PIEZO1: variants seen among roughly 807,000 people sequenced by gnomAD.
The protein encoded by PIEZO1 is piezo type mechanosensitive ion channel component 1 (Er blood group), also known as piezo-type mechanosensitive ion channel component 1.
In PIEZO1, 296 loss-of-function variants were observed where a neutral mutation model predicts 297.2. That is an observed-to-expected ratio of 1.00 (90% confidence interval 0.91 to 1.10). The LOEUF (loss-of-function observed/expected upper bound fraction) is 1.10. Ranked by LOEUF, PIEZO1 falls within the 50% of genes least tolerant of loss-of-function variation. PIEZO1 has a pLI of 0.00. For missense variants in PIEZO1, 5,018 were observed against 3,455.5 expected, an observed-to-expected ratio of 1.45 and a Z score of -11.34; for synonymous variants, 2,427 against 1,507.5, an observed-to-expected ratio of 1.61 and a Z score of -14.13.
At chr16:88,774,746 G>A (rs535020507) in intron 1 of PIEZO1, among the ~76,000 whole-genome samples, 1 of 152,282 alleles carries the variant, frequency 6.6e-6, no homozygotes, top group East Asian at 1.9e-4. Flanking sequence ...CACTCTTAGG[G>A]TACATGGGGT....
At position 88,749,491 on chromosome 16, in the gene PIEZO1, T is replaced by G. The variant is rs745548042; in HGVS notation, c.65-12A>C. ...GCGGAGCAGGCAGGCTGCGGGGAGA[T>G]GGGCGTTAACTAGGTCGCCAACAGA... On this transcript the variant is annotated splice_polypyrimidine_tract_variant and intron_variant, in intron 1 of 50. Transcript: ENST00000301015. 6.6e-7 allele frequency: 1 copy of G among 1,523,106 alleles called. No homozygotes were observed. The highest frequency in any genetic ancestry group is 1.2e-5 in the South Asian group (1 of 82,114). 94.3% of individuals were successfully genotyped at this position (1,523,106 alleles called of 1,614,324 possible). A position where few individuals can be genotyped will look rare whatever the true frequency, so the allele number is the denominator to read the frequency against.
At chr16:88,747,728 G>A (rs185970183) in intron 2 of PIEZO1, among the ~76,000 whole-genome samples, 6 of 152,348 alleles carry the variant, frequency 3.9e-5, no homozygotes, top group African/African-American at 9.6e-5. Flanking sequence ...GGCAGCAGAG[G>A]AAATGGGGGC....
intron 31 of PIEZO1, among the ~76,000 whole-genome samples, chr16:88,723,558 A>G (rs968099355): frequency 1.3e-5 from 2 of 152,214 alleles, no homozygotes; most frequent in African/African-American, 4.8e-5. Context: ...CAGGGGCCCA[A>G]AGATGGACCC....
chr16:88,722,095 G>C (rs747295957), intron 36 of PIEZO1, 29 bp from the exon 37 acceptor site: 93 of 1,536,136 alleles, frequency 6.1e-5, no homozygotes, highest in East Asian at 1.5e-4. Flanking sequence ...GTTTGGGGGA[G>C]TCTGGGACTG....
intron 23 of PIEZO1, 70 bp from the exon 24 acceptor site, chr16:88,727,262 C>A (rs1358879205): frequency 1.4e-6 from 2 of 1,438,240 alleles, no homozygotes; most frequent in Non-Finnish European, 1.8e-6. Flanking sequence ...GCATAAATCC[C>A]ACCTCCCACC....
chr16:88,749,055 G>A (rs1031081796), intron 2 of PIEZO1, among the ~76,000 whole-genome samples: 21 of 151,454 alleles, frequency 1.4e-4, no homozygotes, highest in African/African-American at 2.4e-4. Context: ...GGCTATCACG[G>A]TGAAACCCCG....
chr16:88,726,130 C>A, intron 27 of PIEZO1, 154 bp downstream of exon 27: 1 of 640,208 alleles, frequency 1.6e-6, no homozygotes, highest in African/African-American at 1.8e-5. Flanking sequence ...CGGGGATCTG[C>A]CGGCCTTCAT....
chr16:88,715,912 C>T (rs1466806259), intron 50 of PIEZO1, 21 bp downstream of exon 50: 4 of 756,616 alleles, frequency 5.3e-6, no homozygotes, highest in Non-Finnish European at 7.7e-6. Context: ...CTGCGGGGTG[C>T]CCCCCCAGCC....
intron 21 of PIEZO1, 49 bp from the exon 22 acceptor site, chr16:88,731,959 A>ATGCACTGAGTCTGGGGAGGGTGGGGTGTG (rs1482630762): frequency 1.6e-5 from 1 of 63,334 alleles, no homozygotes; most frequent in African/African-American, 1.8e-4. Context: ...GTCTGGGGGG[A>ATGCACTGAGTCTGGGGAGGGTGGGGTGTG]GGGACTTTCT....
rs1027054301 is a variant in PIEZO1 at position 88,727,059 on chromosome 16, C to G, written c.3435G>C (p.Val1145=). The part of the protein sequence containing the change: ...LEPLRGEPNP[V]PNFIHCRSYL... The stretch of plus-strand genomic sequence containing the variant: ...CCCACCTGCAGTGGATAAAGTTGGG[C>G]ACGGGGTTGGGCTCCCCCCGCAGCG... Residue 1145 remains valine, a synonymous_variant, in exon 24 of 51, where the codon GTG becomes GTC. Transcript: ENST00000301015. 5.8e-6 allele frequency: 9 copies of G among 1,548,938 alleles called. No homozygotes were observed. In the African/African-American group the frequency reaches 1.2e-4, roughly 21 times the overall value.
At chr16:88,765,791 A>G (rs962183056) in intron 1 of PIEZO1, among the ~76,000 whole-genome samples, 4 of 150,646 alleles carry the variant, frequency 2.7e-5, no homozygotes, top group Non-Finnish European at 5.9e-5. Flanking sequence ...CTCCTGCCTC[A>G]GCCTCCCGAG....
intron 4 of PIEZO1, 23 bp from the exon 5 acceptor site, chr16:88,741,639 G>A (rs764250741): frequency 1.5e-5 from 23 of 1,530,732 alleles, no homozygotes; most frequent in Admixed American, 8.0e-5. Context: ...GGGAGCAGCC[G>A]CGGTCAGACC....
Position 88,737,804 on chromosome 16 carries a change from G to C in PIEZO1, c.1031C>G (p.Ala344Gly). Reference sequence around the variant, plus strand: ...CTCCCGAGCCTCATACCCCTTTGCCGCCTCCTTCCTCTGCAGAGACCAGCG... The same window carrying C: ...CTCCCGAGCCTCATACCCCTTTGCCCCCTCCTTCCTCTGCAGAGACCAGCG... Reference protein sequence around the residue: ...AYRPSGQRKEAAKGYEARELE... With the variant: ...AYRPSGQRKEGAKGYEARELE... Residue 344 changes from alanine (A) to glycine (G), a missense_variant, in exon 9 of 51, where the codon GCG becomes GGG. Physicochemically the swap from Ala to Gly is moderately conservative, Grantham distance 60 (BLOSUM62 0). Coordinates refer to ENST00000301015, the MANE Select transcript of PIEZO1 (RefSeq NM_001142864.4). 1 of 1,535,740 alleles carries C rather than the reference G, an allele frequency of 6.5e-7. No individual in the cohort carries two copies. Among genetic ancestry groups the C allele is most frequent in the East Asian group, 2.4e-5 (1 of 40,910 alleles).
intron 1 of PIEZO1, among the ~76,000 whole-genome samples, chr16:88,758,420 G>A (rs762484654): frequency 1.3e-5 from 2 of 152,186 alleles, no homozygotes; most frequent in Admixed American, 6.5e-5. Flanking sequence ...CCCACCCATC[G>A]TCACTCAGCC....
rs1468945776 is a variant in PIEZO1, at chr16:88,720,403, A to G, written c.5931T>C (p.Phe1977=). The G allele has an allele frequency of 6.5e-7, 1 of 1,550,296 alleles. No individual in the cohort carries two copies. Among genetic ancestry groups the G allele is most frequent in the Admixed American group, 2.0e-5 (1 of 50,996 alleles). The change falls in exon 41 of 51, where the codon TTT becomes TTC. Residue 1977 remains phenylalanine, a synonymous_variant. Coordinates refer to ENST00000301015, the MANE Select transcript of PIEZO1 (RefSeq NM_001142864.4). ...ADVVDFIIII[F]GFWAFGKHSA... ...GGCTCACCCCAAAGGCCCAGAAGCC[A>G]AAAATGATGATGATGAAGTCGACAA...
intron 4 of PIEZO1, 26 bp from the exon 5 acceptor site, chr16:88,741,642 G>A: frequency 6.5e-7 from 1 of 1,530,396 alleles, no homozygotes; most frequent in Non-Finnish European, 8.7e-7. Context: ...AGCAGCCGCG[G>A]TCAGACCAAG....
Position 88,732,553 on chromosome 16 carries a change from C to A in PIEZO1, c.2791-18G>T. On this transcript the variant is annotated intron_variant, in intron 20 of 50. Transcript: ENST00000301015. Reference sequence around the variant, plus strand: ...AGGTGGTTCTGCGGAGGGCAAGGGTCAGGGGGCAGCCGGGTACTCGCCCGC... The same window carrying A: ...AGGTGGTTCTGCGGAGGGCAAGGGTAAGGGGGCAGCCGGGTACTCGCCCGC... 6.5e-7 allele frequency: 1 copy of A among 1,544,092 alleles called. No homozygotes were observed. The highest frequency in any genetic ancestry group is 1.2e-5 in the South Asian group (1 of 83,876).
chr16:88,761,742 C>A (rs1555561503), intron 1 of PIEZO1, among the ~76,000 whole-genome samples: 4 of 152,016 alleles, frequency 2.6e-5, no homozygotes, highest in Non-Finnish European at 5.9e-5. Flanking sequence ...CTGACCCTCC[C>A]CACTGCCCTC....
intron 21 of PIEZO1, 36 bp from the exon 22 acceptor site, chr16:88,731,946 T>A: frequency 1.1e-6 from 1 of 934,678 alleles, no homozygotes; most frequent in Non-Finnish European, 1.6e-6. Flanking sequence ...GGGGATGCAC[T>A]GAGTCTGGGG....
Sources: allele counts gnomAD v4.1 joint callset (sites outside exome capture counted in the v4.1 genomes callset), GRCh38; gene constraint gnomAD v4.1.1; transcripts MANE v1.5; gene names NCBI Gene and HGNC (gene_info 2026-07-23, HGNC 2026-07-21).